The following CDH13 variants were observed in gnomAD, a reference collection of about 807,000 sequenced individuals.
CDH13 encodes cadherin-13.
A neutral mutation model predicts 63.8 loss-of-function variants in CDH13; 24 were observed. The observed-to-expected ratio is 0.38, with a 90% CI of 0.27 to 0.53. The LOEUF (loss-of-function observed/expected upper bound fraction) is 0.53. CDH13 is among the 20% of genes least tolerant of loss of function. The pLI is 0.85. For synonymous variants in CDH13, 503 were observed against 355.3 expected, an observed-to-expected ratio of 1.42 and a Z score of -4.67; for missense variants, 1,049 against 903.1, an observed-to-expected ratio of 1.16 and a Z score of -2.07.
chr16:83,133,414 A>T (rs2036144083), intron 4 of CDH13, among the ~76,000 whole-genome samples: 1 of 152,136 alleles, frequency 6.6e-6, no homozygotes, highest in Admixed American at 6.5e-5. Context: ...GCTGCCAGAA[A>T]AGTATTAAAT....
chr16:82,884,081 T>C lies in CDH13; in HGVS notation c.157+25608T>C. 9.3e-6 allele frequency: 4 copies of C among 431,092 alleles called. 1 individual carries two copies. The highest frequency in any genetic ancestry group is 3.3e-5 in the South Asian group (2 of 59,952). The allele number at this position is 431,092 out of a possible 1,614,324, so 26.7% of individuals were successfully genotyped here. On this transcript the variant is annotated intron_variant, in intron 2 of 13. Transcript: ENST00000567109. Reference sequence around the variant, plus strand: ...ACTTAAAACCAATAATGAAGTGCCATGTAGATGTTCATTAGGTGAATAAAT... The same window carrying C: ...ACTTAAAACCAATAATGAAGTGCCACGTAGATGTTCATTAGGTGAATAAAT...
intron 3 of CDH13, among the ~76,000 whole-genome samples, chr16:83,097,899 C>G (rs2034285262): frequency 2.6e-5 from 4 of 152,114 alleles, no homozygotes; most frequent in Admixed American, 2.0e-4. Flanking sequence ...TTCATTCCTT[C>G]TTACAAAAAA....
chr16:83,520,711 A>G (rs2074810992), intron 7 of CDH13, among the ~76,000 whole-genome samples: 1 of 152,126 alleles, frequency 6.6e-6, no homozygotes, highest in Non-Finnish European at 1.5e-5. Flanking sequence ...TTAATGGAAC[A>G]CTTGCAGGAA....
intron 1 of CDH13, among the ~76,000 whole-genome samples, chr16:82,846,982 C>G (rs1402181547): frequency 6.6e-6 from 1 of 152,184 alleles, no homozygotes. Flanking sequence ...ATTGCCACAT[C>G]CTGACTCTGA....
intron 1 of CDH13, among the ~76,000 whole-genome samples, chr16:82,784,385 C>T (rs780193008): frequency 6.6e-6 from 1 of 152,186 alleles, no homozygotes; most frequent in Non-Finnish European, 1.5e-5. Flanking sequence ...ATGACCACAC[C>T]TACCAGCAAG....
At chr16:82,700,366 C>G (rs1440354682) in intron 1 of CDH13, among the ~76,000 whole-genome samples, 3 of 152,148 alleles carry the variant, frequency 2.0e-5, no homozygotes, top group African/African-American at 7.2e-5. Flanking sequence ...AAAACGTGAC[C>G]AACGTTCTAT....
chr16:82,670,873 A>AT (rs1913158436), intron 1 of CDH13, among the ~76,000 whole-genome samples: 1 of 152,110 alleles, frequency 6.6e-6, no homozygotes, highest in Admixed American at 6.6e-5. Flanking sequence ...TAAACAAAAC[A>AT]TTTTTCCCAT....
chr16:82,667,414 C>G (rs1461999838), intron 1 of CDH13, among the ~76,000 whole-genome samples: 1 of 152,190 alleles, frequency 6.6e-6, no homozygotes, highest in South Asian at 2.1e-4. Context: ...GCCTGCCTCA[C>G]CAGGATGTGG....
rs59391906 is a variant in CDH13 at position 82,726,444 on chromosome 16, T to A, written c.45+99307T>A. Reference sequence around the variant, plus strand: ...ATGGACCACAAACTGTTACTTTCTTTTGACATTTTTCTACTGTTTACAAGA... The same window carrying A: ...ATGGACCACAAACTGTTACTTTCTTATGACATTTTTCTACTGTTTACAAGA... On this transcript the variant is annotated intron_variant, in intron 1 of 13. Coordinates refer to ENST00000567109, the MANE Select transcript of CDH13 (RefSeq NM_001257.5). 3.3e-3 allele frequency among the ~76,000 whole-genome samples: 505 copies of A among 152,354 alleles called. 2 individuals carry two copies. The highest frequency in any genetic ancestry group is 0.012 in the African/African-American group (490 of 41,582).
intron 5 of CDH13, among the ~76,000 whole-genome samples, chr16:83,315,116 C>A (rs2090079403): frequency 6.6e-6 from 1 of 152,180 alleles, no homozygotes; most frequent in African/African-American, 2.4e-5. Flanking sequence ...GAAGAACAAC[C>A]AGCACAATAG....
intron 3 of CDH13, among the ~76,000 whole-genome samples, chr16:83,053,937 G>T (rs758964193): frequency 6.6e-6 from 1 of 152,104 alleles, no homozygotes; most frequent in Non-Finnish European, 1.5e-5. Context: ...GGTCAATGAC[G>T]GACCACATAT....
At chr16:82,712,687 C>T (rs893244815) in intron 1 of CDH13, among the ~76,000 whole-genome samples, 8 of 152,168 alleles carry the variant, frequency 5.3e-5, no homozygotes, top group African/African-American at 1.9e-4. Context: ...CGTCAGGCCC[C>T]CTGAAGCCGC....
intron 5 of CDH13, among the ~76,000 whole-genome samples, chr16:83,230,172 G>A (rs1010921542): frequency 1.3e-5 from 2 of 152,192 alleles, no homozygotes; most frequent in Non-Finnish European, 2.9e-5. Flanking sequence ...TATTCCTTTC[G>A]AGTTTTTATT....
chr16:83,729,275 A>T lies in CDH13; in HGVS notation c.1539-18833A>T, dbSNP rs1910778955. 2.0e-5 allele frequency among the ~76,000 whole-genome samples: 3 copies of T among 152,222 alleles called. No homozygotes were observed. The South Asian group carries it at 6.2e-4, about 32-fold the overall frequency. On this transcript the variant is annotated intron_variant, in intron 10 of 13. Coordinates refer to ENST00000567109, the MANE Select transcript of CDH13 (RefSeq NM_001257.5). ...ATATCATAGATAAGACATGCATATT[A>T]TACATATGTGTATGTATATATAGTA... is the stretch of plus-strand genomic sequence containing the variant.
chr16:82,697,736 G>T (rs1449558115), intron 1 of CDH13, among the ~76,000 whole-genome samples: 1 of 147,832 alleles, frequency 6.8e-6, no homozygotes, highest in Non-Finnish European at 1.5e-5. Context: ...CTGGGCCGAG[G>T]CATTGTGTGT....
chr16:82,738,728 G>T (rs941948168), intron 1 of CDH13, among the ~76,000 whole-genome samples: 1 of 152,162 alleles, frequency 6.6e-6, no homozygotes, highest in African/African-American at 2.4e-5. Flanking sequence ...TAGTGCATTT[G>T]GGGGAAAATG....
chr16:83,748,063 A>G, intron 10 of CDH13, 45 bp from the exon 11 acceptor site: 2 of 1,610,434 alleles, frequency 1.2e-6, no homozygotes, highest in Non-Finnish European at 1.7e-6. Flanking sequence ...TGTTTCTTGA[A>G]TCTACTTTGA....
chr16:82,958,308 C>T (rs1251111512), intron 2 of CDH13, among the ~76,000 whole-genome samples: 2 of 152,248 alleles, frequency 1.3e-5, no homozygotes, highest in African/African-American at 2.4e-5. Context: ...ATCGTTCATG[C>T]TTGATAAATA....
rs544665661 is a variant in CDH13 at position 82,964,217 on chromosome 16, A to G, written c.158-67793A>G. 5.9e-5 allele frequency among the ~76,000 whole-genome samples: 9 copies of G among 152,352 alleles called. No homozygotes were observed. The East Asian group carries it at 1.7e-3, about 29-fold the overall frequency. Reference sequence around the variant, plus strand: ...TGGTGGAGCTCCATAAAAGAGAGGCATAGGCTGATGTAATTTCCTTGAAGT... The same window carrying G: ...TGGTGGAGCTCCATAAAAGAGAGGCGTAGGCTGATGTAATTTCCTTGAAGT... On this transcript the variant is annotated intron_variant, in intron 2 of 13. Coordinates refer to ENST00000567109, the MANE Select transcript of CDH13 (RefSeq NM_001257.5).
Sources: allele counts gnomAD v4.1 joint callset (sites outside exome capture counted in the v4.1 genomes callset), GRCh38; gene constraint gnomAD v4.1.1; transcripts MANE v1.5; gene names NCBI Gene and HGNC (gene_info 2026-07-23, HGNC 2026-07-21).